The following ZNF212 variants were observed in gnomAD, a reference collection of about 807,000 sequenced individuals.
ZNF212 encodes zinc finger protein 212.
A neutral mutation model predicts 47.3 loss-of-function variants in ZNF212; 32 were observed. The ratio of observed to expected loss-of-function variants is 0.68; its 90% CI spans 0.51 to 0.91. The LOEUF (loss-of-function observed/expected upper bound fraction) is 0.91, where lower values mean the gene tolerates loss of function less well. Ranked by LOEUF, ZNF212 falls within the 40% of genes least tolerant of loss-of-function variation. The pLI, the probability that ZNF212 is intolerant of heterozygous loss-of-function variation, is 0.00. For synonymous variants in ZNF212, 242 were observed against 253.8 expected, an observed-to-expected ratio of 0.95 and a Z score of 0.44; for missense variants, 555 against 622.8, an observed-to-expected ratio of 0.89 and a Z score of 1.16.
chr7:149,249,958 T>G (rs113381060), intron 1 of ZNF212, among the ~76,000 whole-genome samples: 1 of 152,336 alleles, frequency 6.6e-6, no homozygotes, highest in African/African-American at 2.4e-5. Flanking sequence ...GAGAAGATTT[T>G]GTGTAATATT....
chr7:149,242,021 C>CTTTTTTTTTTTTTTTTTTTTTTT (rs34883587), intron 1 of ZNF212, among the ~76,000 whole-genome samples: 1 of 121,346 alleles, frequency 8.2e-6, no homozygotes, highest in Non-Finnish European at 1.7e-5. Flanking sequence ...CTTTTCTTTT[C>CTTTTTTTTTTTTTTTTTTTTTTT]TTTTTTTTTT....
Position 149,253,582 on chromosome 7 carries a change from G to C in ZNF212, c.655G>C (p.Glu219Gln), listed in dbSNP as rs762164080. The C allele has an allele frequency of 1.2e-6, 2 of 1,607,562 alleles. No homozygotes were observed. Among genetic ancestry groups the C allele is most frequent in the South Asian group, 1.1e-5 (1 of 90,972 alleles). Residue 219 changes from glutamate (E) to glutamine (Q), a missense_variant, in exon 5 of 5, where the codon GAG becomes CAG. By Grantham distance (29) the Glu-to-Gln change is conservative. Coordinates refer to ENST00000335870, the MANE Select transcript of ZNF212 (RefSeq NM_012256.4). ...HPAGGVMIKQ[E>Q]LQYTQEGPAD... ...AGCAGGTGGGGTCATGATCAAACAG[G>C]AGCTACAGTATACACAGGAAGGCCC...
At chr7:149,252,585 A>T (rs1223922721) in intron 3 of ZNF212, 121 bp from the exon 4 acceptor site, 1 of 875,464 alleles carries the variant, frequency 1.1e-6, no homozygotes, top group Non-Finnish European at 1.8e-6. Flanking sequence ...ACTGACAAGA[A>T]CAGTAGCCTT....
intron 3 of ZNF212, among the ~76,000 whole-genome samples, chr7:149,251,491 CTTTTTTT>C (rs71194634): frequency 7.7e-5 from 6 of 77,434 alleles, no homozygotes; most frequent in Non-Finnish European, 1.4e-4. Context: ...CCTGTTTTAT[CTTTTTTT>C]TTTTTTTTTT....
intron 1 of ZNF212, among the ~76,000 whole-genome samples, chr7:149,248,155 G>A (rs1397166462): frequency 6.6e-6 from 1 of 152,052 alleles, no homozygotes; most frequent in African/African-American, 2.4e-5. Context: ...CACCTCCCAC[G>A]AGACTTCACC....
rs769089436 is a variant in ZNF212 at position 149,254,116 on chromosome 7, A to T, written c.1189A>T (p.Ser397Cys). Residue 397 changes from serine (S) to cysteine (C), a missense_variant, in exon 5 of 5, where the codon AGT becomes TGT. Coordinates refer to ENST00000335870, the MANE Select transcript of ZNF212 (RefSeq NM_012256.4). The surrounding 1 kb of genome is among the most constrained non-coding windows in gnomAD (Gnocchi z 4.5). ...HQRCHLQEGPSAGQHVQERFS... is the reference protein window; with the variant it reads ...HQRCHLQEGPCAGQHVQERFS... The stretch of plus-strand genomic sequence containing the variant: ...GCGTTGCCACCTGCAGGAGGGGCCC[A>T]GTGCCGGCCAGCATGTCCAAGAGAG... The T allele has an allele frequency of 1.9e-6, 3 of 1,613,646 alleles. No homozygotes were observed. The highest frequency in any genetic ancestry group is 3.3e-5 in the Admixed American group (2 of 59,950).
Position 149,253,350 on chromosome 7 carries a change from C to T in ZNF212, c.632-209C>T, listed in dbSNP as rs556795797. ...ACAGTATTGTTTTATAAGAGTAATA[C>T]ATTTATATTTCCAATCAACATTGGA... On this transcript the variant is annotated intron_variant, in intron 4 of 4. Coordinates refer to ENST00000335870, the MANE Select transcript of ZNF212 (RefSeq NM_012256.4). 5.3e-5 allele frequency among the ~76,000 whole-genome samples: 8 copies of T among 152,270 alleles called. 1 individual carries two copies. In the South Asian group the frequency reaches 1.7e-3, roughly 32 times the overall value.
intron 1 of ZNF212, among the ~76,000 whole-genome samples, chr7:149,249,083 G>C (rs1279612444): frequency 6.6e-6 from 1 of 152,154 alleles, no homozygotes; most frequent in African/African-American, 2.4e-5. Flanking sequence ...TGAAGTGAAC[G>C]TGCAGGGAGA....
chr7:149,249,903 A>G (rs1166317403), intron 1 of ZNF212, among the ~76,000 whole-genome samples: 1 of 152,224 alleles, frequency 6.6e-6, no homozygotes, highest in Non-Finnish European at 1.5e-5. Context: ...TGCTGGGATT[A>G]CAGTTGTGAG....
At position 149,250,463 on chromosome 7, in the gene ZNF212, G is replaced by A. The variant is rs1461399080; in HGVS notation, c.329G>A (p.Arg110Gln). The change falls in exon 2 of 5, where the codon CGG becomes CAG. Residue 110 changes from arginine to glutamine, a missense_variant. Arg to Gln is a conservative substitution (Grantham distance 43). Transcript: ENST00000335870. ...CAGGAGTATGGGCTACTGCAGAGGC[G>A]GCTGGAGAACGTGGAGAACCTGCTG... ...LLQEYGLLQR[R>Q]LENVENLLRN... 6.2e-6 allele frequency: 10 copies of A among 1,613,994 alleles called. No homozygotes were observed. Among genetic ancestry groups the A allele is most frequent in the Non-Finnish European group, 8.5e-6 (10 of 1,180,040 alleles).
chr7:149,242,208 A>G (rs1186131968), intron 1 of ZNF212, among the ~76,000 whole-genome samples: 2 of 151,120 alleles, frequency 1.3e-5, no homozygotes, highest in Non-Finnish European at 3.0e-5. Context: ...TTTAGTAGAG[A>G]TGGGGTTTCA....
Position 149,253,763 on chromosome 7 carries a change from C to G in ZNF212, c.836C>G (p.Pro279Arg), listed in dbSNP as rs760817037. The change falls in exon 5 of 5, where the codon CCT becomes CGT. Residue 279 changes from proline (P) to arginine (R), a missense_variant. By Grantham distance (103) the Pro-to-Arg change is moderately radical. Transcript: ENST00000335870. ...TLEEPVGSRV[P>R]SSSRTVGCPK... Reference sequence around the variant, plus strand: ...GAGGAGCCTGTTGGTAGTAGAGTTCCTAGCAGCAGCAGAACTGTGGGCTGC... The same window carrying G: ...GAGGAGCCTGTTGGTAGTAGAGTTCGTAGCAGCAGCAGAACTGTGGGCTGC... 6.2e-7 allele frequency: 1 copy of G among 1,614,114 alleles called. No homozygotes were observed. Among genetic ancestry groups the G allele is most frequent in the Non-Finnish European group, 8.5e-7 (1 of 1,179,964 alleles).
rs967726687 is a variant in ZNF212 at position 149,254,708 on chromosome 7, A to G, written c.*293A>G. On this transcript the variant is annotated 3_prime_UTR_variant, in exon 5 of 5. Transcript: ENST00000335870. This position sits in a 1 kb window ranked among gnomAD's most constrained non-coding sequence, Gnocchi z 4.5. ...GGGTTGGCGTTCTGACCCCACAGGG[A>G]CTGGTGGCTGGTTCCAGGGCTCGTC... The G allele has an allele frequency of 5.3e-6, 2 of 377,464 alleles. No individual in the cohort carries two copies. The highest frequency in any genetic ancestry group is 4.1e-5 in the African/African-American group (2 of 48,438). The allele number at this position is 377,464 out of a possible 1,614,324, so 23.4% of individuals were successfully genotyped here. A position where few individuals can be genotyped will look rare whatever the true frequency, so the allele number is the denominator to read the frequency against.
In ZNF212 at chr7:149,254,160, G is replaced by C. The variant is rs776300007; in HGVS notation, c.1233G>C (p.Leu411=). Residue 411 remains leucine (L), a synonymous_variant, in exon 5 of 5, where the codon CTG becomes CTC. Transcript: ENST00000335870. This position sits in a 1 kb window ranked among gnomAD's most constrained non-coding sequence, Gnocchi z 4.5. ...HVQERFSPNS[L]VALPGHIPWR... is the part of the protein sequence containing the mutation. ...AAGAGAGGTTCTCACCCAACAGCCT[G>C]GTTGCCCTGCCTGGCCACATCCCTT... 6.2e-7 allele frequency: 1 copy of C among 1,614,096 alleles called. No individual in the cohort carries two copies. Among genetic ancestry groups the C allele is most frequent in the African/African-American group, 1.3e-5 (1 of 74,954 alleles).
At chr7:149,241,431 C>CA (rs35747561) in intron 1 of ZNF212, among the ~76,000 whole-genome samples, 32,723 of 76,456 alleles carry the variant, frequency 0.43, 6,411 homozygotes, top group Admixed American at 0.46. Flanking sequence ...GACTCTGTCT[C>CA]AAAAAAAAAA....
At chr7:149,252,628 C>T (rs1796775080) in intron 3 of ZNF212, 78 bp from the exon 4 acceptor site, 2 of 1,322,258 alleles carry the variant, frequency 1.5e-6, no homozygotes. Context: ...CATTGGTCAT[C>T]TTGGTCACTG....
intron 1 of ZNF212, among the ~76,000 whole-genome samples, chr7:149,246,189 CTTT>C (rs1449321850): frequency 6.6e-6 from 1 of 152,052 alleles, no homozygotes; most frequent in African/African-American, 2.4e-5. Flanking sequence ...TTTATGTTAT[CTTT>C]TATTACAGCT....
At position 149,254,465 on chromosome 7, in the gene ZNF212, C is replaced by G. The variant is rs768036649; in HGVS notation, c.*50C>G. On this transcript the variant is annotated 3_prime_UTR_variant, in exon 5 of 5. Transcript: ENST00000335870. This position sits in a 1 kb window ranked among gnomAD's most constrained non-coding sequence, Gnocchi z 4.5. ...GGGATGGAGGGGGGTGGCATTGGTT[C>G]CCCCGAAGAGACACTGCAGTCAGGG... 5.2e-6 allele frequency: 8 copies of G among 1,539,272 alleles called. No homozygotes were observed. Among genetic ancestry groups the G allele is most frequent in the Non-Finnish European group, 6.9e-6 (8 of 1,153,518 alleles).
intron 1 of ZNF212, chr7:149,240,007 C>T: frequency 1.8e-6 from 1 of 569,234 alleles, no homozygotes; most frequent in Non-Finnish European, 2.6e-6. Flanking sequence ...GGGGTCGGAG[C>T]CTCGGCGCCG....
Sources: allele counts gnomAD v4.1 joint callset (sites outside exome capture counted in the v4.1 genomes callset), GRCh38; gene constraint gnomAD v4.1.1; non-coding constraint Gnocchi (gnomAD v3.1); transcripts MANE v1.5; gene names NCBI Gene and HGNC (gene_info 2026-07-23, HGNC 2026-07-21).